Variants in TASOR2 observed in about 807,000 individuals in gnomAD.
TASOR2 encodes transcription activation suppressor family member 2, also known as protein TASOR 2.
A neutral mutation model predicts 199.5 loss-of-function variants in TASOR2; 84 were observed. The observed-to-expected ratio is 0.42, with a 90% CI of 0.35 to 0.50. The LOEUF is 0.50. TASOR2 is among the 20% of genes least tolerant of loss of function. The pLI is 0.02. For missense variants in TASOR2, 2,796 were observed against 2,835.9 expected (o/e 0.99, Z 0.32); for synonymous variants, 1,103 against 1,046.6 (o/e 1.05, Z -1.04).
In TASOR2 at chr10:5,756,599, T is replaced by C. The variant is rs114632074; in HGVS notation, c.6607-14T>C. ...TACCCTTTTTTTAATAATGGCTATT[T>C]GTAAATCTTTCAGAACCTTCTGAGG... On this transcript the variant is annotated splice_polypyrimidine_tract_variant and intron_variant, in intron 15 of 20. Transcript: ENST00000328090. 1.7e-3 allele frequency: 2,773 copies of C among 1,611,226 alleles called. 55 individuals are homozygous for C. The African/African-American group carries it at 0.034, about 20-fold the overall frequency.
chr10:5,733,530 A>T (rs1052553839), intron 11 of TASOR2, among the ~76,000 whole-genome samples: 1 of 152,208 alleles, frequency 6.6e-6, no homozygotes, highest in Admixed American at 6.5e-5. Flanking sequence ...GTTGTGACAC[A>T]TTGAATTTAT....
At chr10:5,734,521 C>T (rs959876085) in intron 11 of TASOR2, among the ~76,000 whole-genome samples, 4 of 152,066 alleles carry the variant, frequency 2.6e-5, no homozygotes, top group African/African-American at 7.3e-5. Context: ...CAAGTAGTAA[C>T]GTAAAATATA....
Position 5,740,506 on chromosome 10 carries a change from G to T in TASOR2, c.2327+9G>T. 1 of 1,599,818 alleles carries T rather than the reference G, an allele frequency of 6.3e-7. No individual in the cohort carries two copies. Among genetic ancestry groups the T allele is most frequent in the Non-Finnish European group, 8.5e-7 (1 of 1,174,102 alleles). ...GTAAGAGCATTACATGGGTGAGTAT[G>T]AGTGAAACTTAGTGAAAATGGATGA... On this transcript the variant is annotated intron_variant, in intron 13 of 20. Transcript: ENST00000328090. The surrounding 1 kb of genome is among the most constrained non-coding windows in gnomAD (Gnocchi z 5.3).
Position 5,689,047 on chromosome 10 carries a change from T to C in TASOR2, c.-288+3872T>C, listed in dbSNP as rs564742948. Among the ~76,000 whole-genome samples, 1 of 152,268 alleles carries C rather than the reference T, an allele frequency of 6.6e-6. No individual in the cohort carries two copies. The highest frequency in any genetic ancestry group is 1.5e-5 in the Non-Finnish European group (1 of 68,014). On this transcript the variant is annotated intron_variant, in intron 1 of 20. Coordinates refer to ENST00000328090, the Ensembl canonical transcript of TASOR2. This position sits in a 1 kb window ranked among gnomAD's most constrained non-coding sequence, Gnocchi z 4.1. ...TGGAATGGCTTTTATTGAAGATCTATTGATGATGAACACTCAGTTTTTGTT... is the reference window on the plus strand; with the variant it reads ...TGGAATGGCTTTTATTGAAGATCTACTGATGATGAACACTCAGTTTTTGTT...
rs79236046 is a variant in TASOR2, at chr10:5,730,992, A to G, written c.993A>G (p.Lys331=). 4,060 of 1,614,070 alleles carry G rather than the reference A, an allele frequency of 2.5e-3. 86 individuals are homozygous for G. The African/African-American group carries it at 0.049, about 20-fold the overall frequency. Residue 331 remains lysine, a synonymous_variant, in exon 11 of 21, where the codon AAA becomes AAG. Transcript: ENST00000328090. This position sits in a 1 kb window ranked among gnomAD's most constrained non-coding sequence, Gnocchi z 4.1. Reference sequence around the variant, plus strand: ...AAAAGGATTCTGAAGAAATGTTGAAAGCAAAGAAGAGAGTTTTTCCATTGA... The same window carrying G: ...AAAAGGATTCTGAAGAAATGTTGAAGGCAAAGAAGAGAGTTTTTCCATTGA...
chr10:5,746,335 G>A (rs377012944), exon 15 of TASOR2: 2 of 1,613,972 alleles, frequency 1.2e-6, no homozygotes, highest in Non-Finnish European at 1.7e-6. Flanking sequence ...CAGTGGCACT[G>A]TTACTCAAGC....
chr10:5,733,744 T>C (rs1835172834), intron 11 of TASOR2, among the ~76,000 whole-genome samples: 1 of 152,254 alleles, frequency 6.6e-6, no homozygotes, highest in Admixed American at 6.5e-5. Context: ...GTCTAATCTT[T>C]TTCTTTTTAA....
At chr10:5,686,188 AT>A (rs1554748314) in intron 1 of TASOR2, among the ~76,000 whole-genome samples, 2 of 152,250 alleles carry the variant, frequency 1.3e-5, no homozygotes, top group Non-Finnish European at 2.9e-5. Flanking sequence ...GTCCACAATT[AT>A]GTTAAGGAAG....
At chr10:5,697,592 A>G (rs1025020504) in intron 1 of TASOR2, among the ~76,000 whole-genome samples, 12 of 152,184 alleles carry the variant, frequency 7.9e-5, no homozygotes, top group Admixed American at 2.0e-4. Context: ...AACCTTGGAA[A>G]GCAAGGGTTG....
rs1295165769 is a variant in TASOR2 at position 5,754,001 on chromosome 10, G to C, written c.6607-2612G>C. Among the ~76,000 whole-genome samples, 1 of 152,116 alleles carries C rather than the reference G, an allele frequency of 6.6e-6. No homozygotes were observed. On this transcript the variant is annotated intron_variant, in intron 15 of 20. Transcript: ENST00000328090. The surrounding 1 kb of genome is among the most constrained non-coding windows in gnomAD (Gnocchi z 4.3). ...TGAGCAAAATACTTGGTTTCTTTCAGCTTCCATCTTCTCAAAAAGCAACAG... is the reference window on the plus strand; with the variant it reads ...TGAGCAAAATACTTGGTTTCTTTCACCTTCCATCTTCTCAAAAAGCAACAG...
intron 2 of TASOR2, among the ~76,000 whole-genome samples, chr10:5,716,302 G>T (rs1832619614): frequency 6.6e-6 from 1 of 151,788 alleles, no homozygotes; most frequent in East Asian, 1.9e-4. Context: ...TTCTACTTTT[G>T]GGCTATTATG....
Position 5,689,593 on chromosome 10 carries a change from C to T in TASOR2, c.-288+4418C>T, listed in dbSNP as rs1836198971. 6.6e-6 allele frequency among the ~76,000 whole-genome samples: 1 copy of T among 152,078 alleles called. No homozygotes were observed. The highest frequency in any genetic ancestry group is 6.5e-5 in the Admixed American group (1 of 15,270). On this transcript the variant is annotated intron_variant, in intron 1 of 20. Coordinates refer to ENST00000328090, the Ensembl canonical transcript of TASOR2. The surrounding 1 kb of genome is among the most constrained non-coding windows in gnomAD (Gnocchi z 4.1). ...CCAGCCTGGGCGACAGAGCAAGACT[C>T]CATCTCAAAAAAACAAAAAAACAAG...
chr10:5,731,152 C>G (rs1834760304), exon 11 of TASOR2: 2 of 1,610,194 alleles, frequency 1.2e-6, no homozygotes, highest in Middle Eastern at 1.6e-4. Context: ...CTCGGACTCT[C>G]CAACAACTCT....
chr10:5,693,629 G>T (rs1836769242), intron 1 of TASOR2, among the ~76,000 whole-genome samples: 1 of 152,298 alleles, frequency 6.6e-6, no homozygotes, highest in South Asian at 2.1e-4. Flanking sequence ...CTCATCCCTG[G>T]AGGAGGGGGG....
chr10:5,714,290 T>G, intron 2 of TASOR2, 83 bp downstream of exon 3: 6 of 849,336 alleles, frequency 7.1e-6, no homozygotes, highest in Non-Finnish European at 9.4e-6. Flanking sequence ...TTATAAGATA[T>G]GTATATTAAA....
rs1320097892 is a variant in TASOR2 at position 5,748,654 on chromosome 10, T to C, written c.5233T>C (p.Leu1745=). The change falls in exon 15 of 21, where the codon TTG becomes CTG. Residue 1745 remains leucine (L), a synonymous_variant. Transcript: ENST00000328090. This position sits in a 1 kb window ranked among gnomAD's most constrained non-coding sequence, Gnocchi z 5.1. ...GTCAACATGTGAAACAAAGGAGCTATTGAATGTCGGGGTTTCCTCCCTTTG... is the reference window on the plus strand; with the variant it reads ...GTCAACATGTGAAACAAAGGAGCTACTGAATGTCGGGGTTTCCTCCCTTTG... 1.2e-6 allele frequency: 2 copies of C among 1,614,108 alleles called. No individual in the cohort carries two copies. Among genetic ancestry groups the C allele is most frequent in the Non-Finnish European group, 1.7e-6 (2 of 1,180,046 alleles).
At chr10:5,739,694 T>G in exon 13 of TASOR2, 2 of 1,614,096 alleles carry the variant, frequency 1.2e-6, no homozygotes, top group South Asian at 2.2e-5. Flanking sequence ...GCATAAATAG[T>G]GTTCAACCAG....
Position 5,759,217 on chromosome 10 carries a change from C to G in TASOR2, c.6992+225C>G, listed in dbSNP as rs1349763677. ...GACTAACAGAAGTAAGGGAGTCAAA[C>G]TTAGCAGTCATGAAATGTCCATATT... is the stretch of plus-strand genomic sequence containing the variant. On this transcript the variant is annotated intron_variant, in intron 18 of 20. Coordinates refer to ENST00000328090, the Ensembl canonical transcript of TASOR2. Among the ~76,000 whole-genome samples, 47 of 152,196 alleles carry G rather than the reference C, an allele frequency of 3.1e-4. 2 individuals are homozygous for G. The highest frequency in any genetic ancestry group is 6.9e-4 in the Non-Finnish European group (47 of 68,042).
chr10:5,691,189 C>CA (rs369679242), intron 1 of TASOR2, among the ~76,000 whole-genome samples: 38,100 of 99,820 alleles, frequency 0.38, 5,457 homozygotes, highest in Non-Finnish European at 0.43. Context: ...GACTCCGTCT[C>CA]AAAAAAAAAA....
Sources: allele counts gnomAD v4.1 joint callset (sites outside exome capture counted in the v4.1 genomes callset), GRCh38; gene constraint gnomAD v4.1.1; non-coding constraint Gnocchi (gnomAD v3.1); transcripts MANE v1.5; gene names NCBI Gene and HGNC (gene_info 2026-07-23, HGNC 2026-07-21).